ARHGAP15: variants seen among roughly 807,000 people sequenced by gnomAD.
The protein encoded by ARHGAP15 is rho GTPase-activating protein 15.
In ARHGAP15, 51 loss-of-function variants were observed where a neutral mutation model predicts 63.7. The ratio of observed to expected loss-of-function variants is 0.80; its 90% confidence interval spans 0.64 to 1.01. The LOEUF is 1.01. Among genes scored for constraint, ARHGAP15 ranks in the 50% least tolerant of loss-of-function variants. ARHGAP15 has a pLI of 0.00. For synonymous variants in ARHGAP15, 191 were observed against 193.8 expected (o/e 0.99, Z 0.12); for missense variants, 560 against 564.6 (o/e 0.99, Z 0.08).
At chr2:143,477,625 C>T (rs898871858) in intron 8 of ARHGAP15, among the ~76,000 whole-genome samples, 3 of 150,644 alleles carry the variant, frequency 2.0e-5, no homozygotes, top group African/African-American at 7.3e-5. Flanking sequence ...TAAGATACAA[C>T]GTTAAGTGAC....
At chr2:143,596,914 T>C (rs1463551380) in intron 11 of ARHGAP15, among the ~76,000 whole-genome samples, 1 of 152,138 alleles carries the variant, frequency 6.6e-6, no homozygotes, top group Non-Finnish European at 1.5e-5. Context: ...AAAGTAATAT[T>C]CTAACTATAA....
intron 1 of ARHGAP15, among the ~76,000 whole-genome samples, chr2:143,152,864 G>A (rs1414528040): frequency 6.6e-6 from 1 of 151,902 alleles, no homozygotes; most frequent in Non-Finnish European, 1.5e-5. Flanking sequence ...GAGGGCTGGA[G>A]GAGAGACAGT....
At chr2:143,625,300 C>T (rs190647507) in intron 12 of ARHGAP15, among the ~76,000 whole-genome samples, 1 of 152,178 alleles carries the variant, frequency 6.6e-6, no homozygotes, top group Admixed American at 6.6e-5. Context: ...TTTGGGGGTC[C>T]TGTGTTGGAA....
rs574327814 is a variant in ARHGAP15, at chr2:143,188,244, T to C, written c.166-13890T>C. The stretch of plus-strand genomic sequence containing the variant: ...TCACAATTTTTAGTTCAATTACTAA[T>C]TGACATTATTATTTTCTAAATTTTT... On this transcript the variant is annotated intron_variant, in intron 2 of 13. Coordinates refer to ENST00000295095, the MANE Select transcript of ARHGAP15 (RefSeq NM_018460.4). Among the ~76,000 whole-genome samples, 8 of 152,260 alleles carry C rather than the reference T, an allele frequency of 5.3e-5. No individual in the cohort carries two copies. The East Asian group carries it at 1.2e-3, about 22-fold the overall frequency.
intron 10 of ARHGAP15, among the ~76,000 whole-genome samples, chr2:143,532,980 T>A (rs1694584925): frequency 6.6e-6 from 1 of 152,186 alleles, no homozygotes; most frequent in South Asian, 2.1e-4. Flanking sequence ...CTAGAATTAT[T>A]GGAGATTGTA....
intron 6 of ARHGAP15, among the ~76,000 whole-genome samples, chr2:143,330,112 AAAAAAAAAAAAAAAAAAAAC>A (rs1558897753): frequency 6.8e-5 from 6 of 87,994 alleles, no homozygotes; most frequent in African/African-American, 1.7e-4. Flanking sequence ...AAAAAAAAAA[AAAAAAAAAAAAAAAAAAAAC>A]CAAAAACAAA....
chr2:143,335,630 AC>A (rs1684738947), intron 6 of ARHGAP15, among the ~76,000 whole-genome samples: 3 of 152,214 alleles, frequency 2.0e-5, no homozygotes, highest in African/African-American at 7.2e-5. Flanking sequence ...CCAAGCAATA[AC>A]CCAGGAAGGA....
intron 6 of ARHGAP15, among the ~76,000 whole-genome samples, chr2:143,338,271 T>C (rs1684896593): frequency 6.6e-6 from 1 of 152,092 alleles, no homozygotes; most frequent in Non-Finnish European, 1.5e-5. Context: ...TGAAAGTAAA[T>C]AGAAATAAAC....
chr2:143,335,392 G>A (rs1205680155), intron 6 of ARHGAP15, among the ~76,000 whole-genome samples: 6 of 152,082 alleles, frequency 3.9e-5, no homozygotes, highest in South Asian at 2.1e-4. Context: ...TGTGAAAACC[G>A]TTTTAGATGC....
chr2:143,611,626 T>C (rs1698257020), intron 11 of ARHGAP15, among the ~76,000 whole-genome samples: 2 of 152,176 alleles, frequency 1.3e-5, no homozygotes, highest in Admixed American at 1.3e-4. Context: ...AATTTTCAAA[T>C]TTGTCTGTCC....
intron 10 of ARHGAP15, among the ~76,000 whole-genome samples, chr2:143,527,898 A>C (rs933438760): frequency 2.0e-5 from 3 of 152,098 alleles, no homozygotes; most frequent in Admixed American, 6.6e-5. Flanking sequence ...TGTTGGTTGA[A>C]GGCAGCTCAG....
intron 1 of ARHGAP15, among the ~76,000 whole-genome samples, chr2:143,135,182 G>A (rs1689087763): frequency 6.6e-6 from 1 of 152,214 alleles, no homozygotes; most frequent in Non-Finnish European, 1.5e-5. Context: ...TCAGTGAGGA[G>A]AGGAATTTGA....
intron 4 of ARHGAP15, among the ~76,000 whole-genome samples, chr2:143,224,401 A>G (rs1693122700): frequency 6.6e-6 from 1 of 152,128 alleles, no homozygotes; most frequent in Non-Finnish European, 1.5e-5. Flanking sequence ...TTACTCAAAA[A>G]ATCTTTAATA....
chr2:143,600,332 G>C (rs1697716980), intron 11 of ARHGAP15, among the ~76,000 whole-genome samples: 1 of 152,072 alleles, frequency 6.6e-6, no homozygotes, highest in African/African-American at 2.4e-5. Flanking sequence ...TTATCTTTTA[G>C]TCACAGGGCC....
intron 9 of ARHGAP15, among the ~76,000 whole-genome samples, chr2:143,518,442 A>T (rs943944991): frequency 2.0e-5 from 3 of 152,256 alleles, no homozygotes; most frequent in Admixed American, 1.3e-4. Flanking sequence ...AAATCAAAGG[A>T]TGTTGCTCAA....
chr2:143,594,484 T>C (rs1001414628), intron 11 of ARHGAP15, among the ~76,000 whole-genome samples: 3 of 152,156 alleles, frequency 2.0e-5, no homozygotes, highest in Non-Finnish European at 2.9e-5. Flanking sequence ...AAAGGGGTTA[T>C]AGTATCCCAG....
In ARHGAP15 at chr2:143,579,660, C is replaced by T. The variant is rs992805414; in HGVS notation, c.1003+23175C>T. On this transcript the variant is annotated intron_variant, in intron 11 of 13. Transcript: ENST00000295095. Reference sequence around the variant, plus strand: ...CAGGAAGACTGCCCAGAGGCTATGCCCCACTTAGTATAAATCAGCCAGATC... The same window carrying T: ...CAGGAAGACTGCCCAGAGGCTATGCTCCACTTAGTATAAATCAGCCAGATC... Among the ~76,000 whole-genome samples the T allele has an allele frequency of 4.6e-5, 7 of 151,906 alleles. 1 individual carries two copies. The highest frequency in any genetic ancestry group is 2.4e-5 in the African/African-American group (1 of 41,382).
intron 12 of ARHGAP15, among the ~76,000 whole-genome samples, chr2:143,626,786 G>A (rs1698853859): frequency 6.6e-6 from 1 of 152,146 alleles, no homozygotes; most frequent in Admixed American, 6.5e-5. Context: ...CCTCTTGTAA[G>A]ACAGAAAAGT....
intron 10 of ARHGAP15, among the ~76,000 whole-genome samples, chr2:143,555,501 T>C (rs544534613): frequency 2.4e-4 from 37 of 152,276 alleles, no homozygotes; most frequent in Middle Eastern, 3.4e-3. Context: ...GATACTATTA[T>C]AGTGTTTGAC....
Sources: allele counts gnomAD v4.1 joint callset (sites outside exome capture counted in the v4.1 genomes callset), GRCh38; gene constraint gnomAD v4.1.1; transcripts MANE v1.5; gene names NCBI Gene and HGNC (gene_info 2026-07-23, HGNC 2026-07-21).